SLC39A8: variants seen among roughly 807,000 people sequenced by gnomAD.
SLC39A8 encodes solute carrier family 39 member 8.
In SLC39A8, 15 loss-of-function variants were observed where a neutral mutation model predicts 40.4. The observed-to-expected ratio is 0.37, with a 90% confidence interval of 0.25 to 0.57. The LOEUF (loss-of-function observed/expected upper bound fraction) is 0.57. SLC39A8 is among the 20% of genes least tolerant of loss of function. The pLI, the probability that SLC39A8 is intolerant of heterozygous loss-of-function variation, is 0.75. For synonymous variants in SLC39A8, 223 were observed against 221.6 expected (o/e 1.01, Z -0.06); for missense variants, 472 against 558.8 (o/e 0.84, Z 1.57).
chr4:102,319,126 G>A (rs375442683), intron 2 of SLC39A8, among the ~76,000 whole-genome samples: 5 of 152,272 alleles, frequency 3.3e-5, no homozygotes, highest in South Asian at 2.1e-4. Flanking sequence ...GCTCAAAACC[G>A]TTTCAGCAAA....
chr4:102,258,392 C>T (rs1731762681), downstream of SLC39A8, among the ~76,000 whole-genome samples: 1 of 152,106 alleles, frequency 6.6e-6, no homozygotes, highest in African/African-American at 2.4e-5. Context: ...TCTCCTACCC[C>T]TGGATGAAAC....
Position 102,262,655 on chromosome 4 carries a change from C to T in SLC39A8, c.*389G>A, listed in dbSNP as rs1731915101. 1.0e-6 allele frequency: 1 copy of T among 989,452 alleles called. No homozygotes were observed. The highest frequency in any genetic ancestry group is 4.7e-5 in the South Asian group (1 of 21,360). The allele number at this position is 989,452 out of a possible 1,614,324, so 61.3% of individuals were successfully genotyped here. A position where few individuals can be genotyped will look rare whatever the true frequency, so the allele number is the denominator to read the frequency against. On this transcript the variant is annotated 3_prime_UTR_variant, in exon 9 of 9. Coordinates refer to ENST00000356736, the MANE Select transcript of SLC39A8 (RefSeq NM_001135146.2). Reference sequence around the variant, plus strand: ...TAATTGAAATAAAACCTCTCTGAAACCATTTGAATCTTTGATCCTACCATA... The same window carrying T: ...TAATTGAAATAAAACCTCTCTGAAATCATTTGAATCTTTGATCCTACCATA...
chr4:102,301,112 T>A (rs1490823812), intron 6 of SLC39A8, among the ~76,000 whole-genome samples: 1 of 152,040 alleles, frequency 6.6e-6, no homozygotes, highest in Non-Finnish European at 1.5e-5. Flanking sequence ...TGCCTTCTTA[T>A]TCCTGGAAGT....
intron 6 of SLC39A8, among the ~76,000 whole-genome samples, chr4:102,285,156 G>T (rs754873087): frequency 6.6e-6 from 1 of 152,204 alleles, no homozygotes; most frequent in Non-Finnish European, 1.5e-5. Flanking sequence ...CAAATAAAAA[G>T]TAATAATACC....
In SLC39A8 at chr4:102,266,178, A is replaced by G. The variant is rs151253114; in HGVS notation, c.1233+1312T>C. Among the ~76,000 whole-genome samples the G allele has an allele frequency of 8.9e-3, 1,356 of 152,256 alleles. 12 individuals are homozygous for G. Among genetic ancestry groups the G allele is most frequent in the Non-Finnish European group, 0.014 (962 of 68,014 alleles). On this transcript the variant is annotated intron_variant, in intron 8 of 8. Coordinates refer to ENST00000356736, the MANE Select transcript of SLC39A8 (RefSeq NM_001135146.2). The stretch of plus-strand genomic sequence containing the variant: ...TCTTTCTAGAGGAAAAGCCCCATGA[A>G]TGGAAAAGCCCCTTGAACTGTGCCT...
chr4:102,276,145 C>T (rs1244727332), intron 6 of SLC39A8, among the ~76,000 whole-genome samples: 1 of 152,096 alleles, frequency 6.6e-6, no homozygotes, highest in Non-Finnish European at 1.5e-5. Flanking sequence ...CAGAGCAGAA[C>T]TGAAGGAGAT....
At chr4:102,290,109 A>ACCACCC (rs76390934) in intron 6 of SLC39A8, among the ~76,000 whole-genome samples, 18,951 of 152,082 alleles carry the variant, frequency 0.12, 1,516 homozygotes, top group African/African-American at 0.23. Context: ...TTCAGCAACC[A>ACCACCC]CCACCCTGGT....
At chr4:102,329,442 G>A (rs1337891305) in intron 2 of SLC39A8, among the ~76,000 whole-genome samples, 1 of 151,860 alleles carries the variant, frequency 6.6e-6, no homozygotes, top group Non-Finnish European at 1.5e-5. Context: ...GACCAATATG[G>A]TGAAACCCTG....
At chr4:102,341,285 A>C (rs1365016073) in intron 2 of SLC39A8, among the ~76,000 whole-genome samples, 1 of 152,250 alleles carries the variant, frequency 6.6e-6, no homozygotes, top group Non-Finnish European at 1.5e-5. Flanking sequence ...GCTCAGTGTG[A>C]TAATTTAGAA....
At position 102,320,988 on chromosome 4, in the gene SLC39A8, T is replaced by A. The variant is rs946505020; in HGVS notation, c.220-5158A>T. On this transcript the variant is annotated intron_variant, in intron 2 of 8. Transcript: ENST00000356736. The stretch of plus-strand genomic sequence containing the variant: ...CCTTCCTTTATTCTACAAATATTTA[T>A]CAAACCATAAAAGTCTAGGTATAAT... Among the ~76,000 whole-genome samples the A allele has an allele frequency of 2.0e-5, 3 of 151,892 alleles. No homozygotes were observed. The East Asian group carries it at 5.8e-4, about 29-fold the overall frequency.
chr4:102,277,321 C>A (rs1237026772), intron 6 of SLC39A8, among the ~76,000 whole-genome samples: 2 of 152,184 alleles, frequency 1.3e-5, no homozygotes, highest in African/African-American at 2.4e-5. Context: ...GTGCTAAAAT[C>A]ACAAGCATTC....
chr4:102,317,289 C>T (rs1045640730), intron 2 of SLC39A8, among the ~76,000 whole-genome samples: 1 of 152,092 alleles, frequency 6.6e-6, no homozygotes, highest in Admixed American at 6.6e-5. Flanking sequence ...ACACCAAGAT[C>T]TATGCAGTTG....
intron 2 of SLC39A8, among the ~76,000 whole-genome samples, chr4:102,331,216 G>C (rs928023940): frequency 2.0e-5 from 3 of 152,156 alleles, no homozygotes; most frequent in African/African-American, 7.2e-5. Context: ...ATTCAAACAG[G>C]AAAAGAAGCA....
exon 12 of SLC39A8, chr4:102,253,335 T>C (rs1488872173): frequency 1.5e-6 from 1 of 685,922 alleles, no homozygotes; most frequent in South Asian, 1.7e-5. Flanking sequence ...GTCATAACTA[T>C]GTCATATGCC....
At chr4:102,331,245 C>T (rs1735447741) in intron 2 of SLC39A8, among the ~76,000 whole-genome samples, 1 of 152,196 alleles carries the variant, frequency 6.6e-6, no homozygotes, top group Admixed American at 6.5e-5. Flanking sequence ...GTCTCGTTTG[C>T]AGATGACATG....
At chr4:102,259,658 T>C, downstream of SLC39A8, 1 of 606,110 alleles carries the variant, frequency 1.6e-6, no homozygotes. Context: ...AGTCAACGAT[T>C]TTAATAGTCC....
At chr4:102,252,171 CA>C (rs1176320942) in exon 12 of SLC39A8, 1 of 152,348 alleles carries the variant, frequency 6.6e-6, no homozygotes, top group African/African-American at 2.4e-5. Context: ...ATCTCCCCTG[CA>C]ATAATCAAAC....
rs1731932688 is a variant in SLC39A8 at position 102,262,965 on chromosome 4, G to A, written c.*79C>T. Reference sequence around the variant, plus strand: ...GCAAAATTATCTTTTTAACTAAATAGGATCAGCTTCAAAATCCTTTTTGGA... The same window carrying A: ...GCAAAATTATCTTTTTAACTAAATAAGATCAGCTTCAAAATCCTTTTTGGA... On this transcript the variant is annotated 3_prime_UTR_variant, in exon 9 of 9. Transcript: ENST00000356736. The A allele has an allele frequency of 2.7e-6, 4 of 1,493,304 alleles. No homozygotes were observed. In the Admixed American group the frequency reaches 6.8e-5, roughly 25 times the overall value. The allele number at this position is 1,493,304 out of a possible 1,614,324, so 92.5% of individuals were successfully genotyped here. A position where few individuals can be genotyped will look rare whatever the true frequency, so the allele number is the denominator to read the frequency against.
At chr4:102,338,455 G>A (rs1735774494) in intron 2 of SLC39A8, among the ~76,000 whole-genome samples, 1 of 151,890 alleles carries the variant, frequency 6.6e-6, no homozygotes, top group Non-Finnish European at 1.5e-5. Flanking sequence ...CAAAGTGCTG[G>A]GATTACAGGC....
Sources: gnomAD v4.1 joint callset for allele counts (sites outside exome capture counted in the v4.1 genomes callset) on GRCh38, gnomAD v4.1.1 for gene constraint, MANE v1.5 for transcripts, NCBI Gene and HGNC (gene_info 2026-07-23, HGNC 2026-07-21) for gene names.